APLP2: variants seen among roughly 807,000 people sequenced by gnomAD.
The protein encoded by APLP2 is amyloid beta precursor like protein 2, also known as CDEI box-binding protein.
APLP2 carries 53 observed loss-of-function variants against 89.9 expected under a neutral mutation model. The ratio of observed to expected loss-of-function variants is 0.59; its 90% CI spans 0.47 to 0.74. APLP2 has a LOEUF of 0.74. APLP2 is among the 30% of genes least tolerant of loss of function. APLP2 has a pLI of 0.00. For synonymous variants in APLP2, 372 were observed against 348.6 expected (o/e 1.07, Z -0.75); for missense variants, 973 against 975.9 (o/e 1.00, Z 0.04).
intron 1 of APLP2, among the ~76,000 whole-genome samples, chr11:130,092,005 C>G (rs1216939862): frequency 8.5e-6 from 1 of 117,216 alleles, no homozygotes; most frequent in Admixed American, 7.8e-5. Context: ...ACTTCTCAGA[C>G]GGGGCGGCCG....
chr11:130,072,474 C>CT lies in APLP2; in HGVS notation c.105+2412dup, dbSNP rs562054930. Among the ~76,000 whole-genome samples the CT allele has an allele frequency of 3.0e-3, 334 of 110,280 alleles. 3 individuals carry two copies. Among genetic ancestry groups the CT allele is most frequent in the Admixed American group, 5.9e-3 (62 of 10,456 alleles). The allele number at this position is 110,280 out of a possible 152,430, so 72.3% of individuals were successfully genotyped here. The stretch of plus-strand genomic sequence containing the variant: ...GGTGTGCTTCTGATAGGAATATCGT[C>CT]TTTTTTTTTTTTTTTTTTTTGATAC... On this transcript the variant is annotated intron_variant, in intron 1 of 16. Transcript: ENST00000338167.
chr11:130,114,133 G>T (rs1304693912), intron 3 of APLP2: 3 of 152,116 alleles, frequency 2.0e-5, no homozygotes, highest in African/African-American at 7.2e-5. Context: ...CTCATCTACA[G>T]ACCCTACTCA....
Position 130,123,234 on chromosome 11 carries a change from A to G in APLP2, c.923-378A>G, listed in dbSNP as rs1374129484. Among the ~76,000 whole-genome samples, 2 of 152,200 alleles carry G rather than the reference A, an allele frequency of 1.3e-5. No homozygotes were observed. Among genetic ancestry groups the G allele is most frequent in the African/African-American group, 4.8e-5 (2 of 41,448 alleles). On this transcript the variant is annotated intron_variant, in intron 6 of 16. Coordinates refer to ENST00000338167, the MANE Select transcript of APLP2 (RefSeq NM_001142276.2). This position sits in a 1 kb window ranked among gnomAD's most constrained non-coding sequence, Gnocchi z 4.0. Reference sequence around the variant, plus strand: ...GCTTGTCTTTACTACGGGTATCACCACTTAAAGCAGCCTTTCCACTCACAC... The same window carrying G: ...GCTTGTCTTTACTACGGGTATCACCGCTTAAAGCAGCCTTTCCACTCACAC...
intron 6 of APLP2, 98 bp downstream of exon 6, chr11:130,122,611 A>G: frequency 1.3e-6 from 2 of 1,546,518 alleles, no homozygotes; most frequent in Non-Finnish European, 1.7e-6. Flanking sequence ...TCACAGAAGG[A>G]AAGGTGTGGT....
chr11:130,116,594 C>A (rs1949201207), intron 3 of APLP2, among the ~76,000 whole-genome samples: 1 of 152,130 alleles, frequency 6.6e-6, no homozygotes, highest in Non-Finnish European at 1.5e-5. Flanking sequence ...CCCCTTTCCA[C>A]CCTGCAGCTG....
chr11:130,142,003 A>G lies in APLP2; in HGVS notation c.2083A>G (p.Thr695Ala). ...GLLVIAVAIATVIVISLVMLR... is the reference protein window; with the variant it reads ...GLLVIAVAIAAVIVISLVMLR... ...GCTGGTCATCGCAGTGGCCATTGCC[A>G]CGGTCATCGTCATCAGCCTGGTGAT... The change falls in exon 16 of 17, where the codon ACG becomes GCG. Residue 695 changes from threonine to alanine, a missense_variant. Physicochemically the swap from Thr to Ala is moderately conservative, Grantham distance 58 (BLOSUM62 0). Coordinates refer to ENST00000338167, the MANE Select transcript of APLP2 (RefSeq NM_001142276.2). 1 of 1,614,040 alleles carries G rather than the reference A, an allele frequency of 6.2e-7. No individual in the cohort carries two copies. Among genetic ancestry groups the G allele is most frequent in the African/African-American group, 1.3e-5 (1 of 75,036 alleles).
rs532625852 is a variant in APLP2 at position 130,099,909 on chromosome 11, G to T, written c.106-9520G>T. On this transcript the variant is annotated intron_variant, in intron 1 of 16. Transcript: ENST00000338167. ...TGCTCTGCGGCAGGCATTGTGCTCAGTGGTTCTGCGTGTTATTTTAATCGA... is the reference window on the plus strand; with the variant it reads ...TGCTCTGCGGCAGGCATTGTGCTCATTGGTTCTGCGTGTTATTTTAATCGA... Among the ~76,000 whole-genome samples, 7 of 152,342 alleles carry T rather than the reference G, an allele frequency of 4.6e-5. No homozygotes were observed. In the East Asian group the frequency reaches 1.3e-3, roughly 29 times the overall value.
Position 130,133,646 on chromosome 11 carries a change from C to A in APLP2, c.1602C>A (p.His534Gln), listed in dbSNP as rs117077516. The A allele has an allele frequency of 5.1e-5, 82 of 1,613,984 alleles. No homozygotes were observed. In the East Asian group the frequency reaches 1.2e-3, roughly 23 times the overall value. The stretch of plus-strand genomic sequence containing the variant: ...GCTTCCAGGTGATGACACATCTCCA[C>A]GTGATTGAAGAAAGGAGGAACCAAA... ...QMKSQVMTHL[H>Q]VIEERRNQSL... The change falls in exon 12 of 17, where the codon CAC (histidine) becomes CAA (glutamine). Residue 534 changes from histidine to glutamine, a missense_variant. Physicochemically the swap from His to Gln is conservative, Grantham distance 24. Coordinates refer to ENST00000338167, the MANE Select transcript of APLP2 (RefSeq NM_001142276.2).
intron 1 of APLP2, among the ~76,000 whole-genome samples, chr11:130,097,060 T>A (rs1946302019): frequency 6.6e-6 from 1 of 152,272 alleles, no homozygotes; most frequent in Non-Finnish European, 1.5e-5. Context: ...CAGTCTGATT[T>A]ACTTTTAAAT....
At chr11:130,100,033 G>A (rs1280324459) in intron 1 of APLP2, among the ~76,000 whole-genome samples, 3 of 152,230 alleles carry the variant, frequency 2.0e-5, no homozygotes, top group Admixed American at 1.3e-4. Context: ...AATGCTTGAA[G>A]AGCGCTTCTA....
At chr11:130,083,956 C>T (rs1056089612) in intron 1 of APLP2, among the ~76,000 whole-genome samples, 5 of 152,130 alleles carry the variant, frequency 3.3e-5, no homozygotes, top group African/African-American at 4.8e-5. Flanking sequence ...ACAGGAGTTC[C>T]GATTTCTCGG....
intron 1 of APLP2, among the ~76,000 whole-genome samples, chr11:130,075,146 CTTTATT>C: frequency 6.6e-6 from 1 of 152,212 alleles, no homozygotes; most frequent in African/African-American, 2.4e-5. Flanking sequence ...ATCGTGAAGT[CTTTATT>C]TTTATTTTTT....
At chr11:130,109,377 C>A in intron 1 of APLP2, 52 bp from the exon 2 acceptor site, 1 of 1,526,642 alleles carries the variant, frequency 6.6e-7, no homozygotes, top group Admixed American at 2.0e-5. Context: ...ATGACTGTTG[C>A]CTCTGTGCTA....
intron 13 of APLP2, among the ~76,000 whole-genome samples, chr11:130,136,185 C>T (rs1951572745): frequency 6.6e-6 from 1 of 152,090 alleles, no homozygotes; most frequent in African/African-American, 2.4e-5. Flanking sequence ...TCCTCTATTC[C>T]CCTGCTGGTT....
chr11:130,141,969 C>G lies in APLP2; in HGVS notation c.2049C>G (p.Leu683=). 1.2e-6 allele frequency: 2 copies of G among 1,614,078 alleles called. No homozygotes were observed. Among genetic ancestry groups the G allele is most frequent in the Non-Finnish European group, 1.7e-6 (2 of 1,179,988 alleles). The change falls in exon 16 of 17, where the codon CTC becomes CTG. Residue 683 remains leucine, a synonymous_variant. Coordinates refer to ENST00000338167, the MANE Select transcript of APLP2 (RefSeq NM_001142276.2). The surrounding 1 kb of genome is among the most constrained non-coding windows in gnomAD (Gnocchi z 4.2). ...ACTTCAGTCTGAGTAGCAGTGCTCT[C>G]ATTGGCCTGCTGGTCATCGCAGTGG... ...REDFSLSSSA[L]IGLLVIAVAI...
In APLP2 at chr11:130,070,177, G is replaced by A. The variant is rs915650346; in HGVS notation, c.105+95G>A. 8 of 730,924 alleles carry A rather than the reference G, an allele frequency of 1.1e-5. No individual in the cohort carries two copies. The East Asian group carries it at 1.8e-4, about 16-fold the overall frequency. 45.3% of individuals were successfully genotyped at this position (730,924 alleles called of 1,614,324 possible). On this transcript the variant is annotated intron_variant, in intron 1 of 16. Transcript: ENST00000338167. Reference sequence around the variant, plus strand: ...AGCGGGGTCCGCGGCAGGGCGGGCCGGCGGTGCGGCGCCGGGGGTCCGGCT... The same window carrying A: ...AGCGGGGTCCGCGGCAGGGCGGGCCAGCGGTGCGGCGCCGGGGGTCCGGCT...
chr11:130,073,635 G>A (rs561299215), intron 1 of APLP2, among the ~76,000 whole-genome samples: 12 of 152,320 alleles, frequency 7.9e-5, no homozygotes, highest in Admixed American at 2.0e-4. Context: ...GAGGTCAGGA[G>A]TTCGAGACCA....
intron 3 of APLP2, 62 bp from the exon 4 acceptor site, chr11:130,120,644 G>T: frequency 8.3e-7 from 1 of 1,208,298 alleles, no homozygotes. Flanking sequence ...AAACTTCAGT[G>T]AGGGGCATTT....
At position 130,130,068 on chromosome 11, in the gene APLP2, T is replaced by C; in HGVS notation, c.1486T>C (p.Tyr496His). ...PHRILQALRR[Y>H]VRAENKDRLH... is the part of the protein sequence containing the mutation. ...TCGCATTCTCCAGGCCTTACGGCGT[T>C]ATGTCCGTGCTGAGAACAAAGATCG... is the stretch of plus-strand genomic sequence containing the variant. Residue 496 changes from tyrosine (Y) to histidine (H), a missense_variant, in exon 11 of 17, where the codon TAT (tyrosine) becomes CAT (histidine). By Grantham distance (83) the Tyr-to-His change is moderately conservative. Transcript: ENST00000338167. 1.2e-6 allele frequency: 2 copies of C among 1,614,246 alleles called. No homozygotes were observed. Among genetic ancestry groups the C allele is most frequent in the Non-Finnish European group, 1.7e-6 (2 of 1,180,034 alleles).
Sources: gnomAD v4.1 joint callset for allele counts (sites outside exome capture counted in the v4.1 genomes callset) on GRCh38, gnomAD v4.1.1 for gene constraint, Gnocchi (gnomAD v3.1) non-coding constraint, MANE v1.5 for transcripts, NCBI Gene and HGNC (gene_info 2026-07-23, HGNC 2026-07-21) for gene names.